USP10: variants seen among roughly 807,000 people sequenced by gnomAD.
USP10 encodes the protein ubiquitin carboxyl-terminal hydrolase 10.
In USP10, 22 loss-of-function variants were observed where a neutral mutation model predicts 84.5. That is an observed-to-expected ratio of 0.26 (90% CI 0.19 to 0.37). The LOEUF is 0.37. Ranked by LOEUF, USP10 falls within the 10% of genes least tolerant of loss-of-function variation. USP10 has a pLI of 1.00. For missense variants in USP10, 1,019 were observed against 998.9 expected (o/e 1.02, Z -0.27); for synonymous variants, 454 against 387.6 (o/e 1.17, Z -2.01).
At chr16:84,714,126 C>T (rs994994020) in intron 1 of USP10, among the ~76,000 whole-genome samples, 1 of 151,642 alleles carries the variant, frequency 6.6e-6, no homozygotes, top group Non-Finnish European at 1.5e-5. Flanking sequence ...AGCACAGAGG[C>T]GGAGGTAGAT....
At chr16:84,716,940 A>C (rs112087944) in intron 1 of USP10, among the ~76,000 whole-genome samples, 8 of 152,376 alleles carry the variant, frequency 5.3e-5, no homozygotes, top group African/African-American at 1.9e-4. Context: ...GTCCAGAGCC[A>C]TAGGGACAGT....
At position 84,760,254 on chromosome 16, in the gene USP10, C is replaced by G. The variant is rs769206686; in HGVS notation, c.1533C>G (p.Asn511Lys). 3 of 1,607,700 alleles carry G rather than the reference C, an allele frequency of 1.9e-6. No homozygotes were observed. The Admixed American group carries it at 5.1e-5, about 27-fold the overall frequency. Residue 511 changes from asparagine (N) to lysine (K), a missense_variant, in exon 8 of 14, where the codon AAC becomes AAG. By Grantham distance (94) the Asn-to-Lys change is moderately conservative (BLOSUM62 0). Transcript: ENST00000219473. ...ATATTTACAGACTCCTGACAGTTAACAAGTCAAGCCTGTCTGAAAAGGTTT... is the reference window on the plus strand; with the variant it reads ...ATATTTACAGACTCCTGACAGTTAAGAAGTCAAGCCTGTCTGAAAAGGTTT... ...PTYIYRLLTV[N>K]KSSLSEKGRQ...
chr16:84,759,260 TAGCTTCCTTGTGTTTTTATA>T, intron 5 of USP10, 83 bp from the exon 6 acceptor site: 1 of 1,088,096 alleles, frequency 9.2e-7, no homozygotes, highest in South Asian at 1.3e-5. Context: ...TCAACGTCCT[TAGCTTCCTTGTGTTTTTATA>T]AACATTCTTG....
chr16:84,734,399 T>G (rs1167508493), intron 2 of USP10, among the ~76,000 whole-genome samples: 1 of 152,256 alleles, frequency 6.6e-6, no homozygotes, highest in Non-Finnish European at 1.5e-5. Flanking sequence ...TTTCATTCTC[T>G]TCACGTCTGC....
At chr16:84,778,069 G>A (rs1012799817) in intron 13 of USP10, among the ~76,000 whole-genome samples, 18 of 116,236 alleles carry the variant, frequency 1.5e-4, no homozygotes, top group Non-Finnish European at 3.3e-4. Flanking sequence ...TTGGTTATAG[G>A]ATTTTTTTTT....
At chr16:84,759,283 C>G (rs1274754672) in intron 5 of USP10, 80 bp from the exon 6 acceptor site, 1 of 1,331,576 alleles carries the variant, frequency 7.5e-7, no homozygotes, top group Non-Finnish European at 1.1e-6. Flanking sequence ...TTTTTATAAA[C>G]ATTCTTGTGC....
chr16:84,712,569 A>G (rs963193693), intron 1 of USP10, among the ~76,000 whole-genome samples: 2 of 152,178 alleles, frequency 1.3e-5, no homozygotes, highest in Non-Finnish European at 2.9e-5. Flanking sequence ...GTGTTTCTAT[A>G]ATAGTTCTAG....
In USP10 at chr16:84,719,674, T is replaced by A. The variant is rs115861686; in HGVS notation, c.22-13761T>A. ...ATTGGGTGGAAAACATCTCTTCTAG[T>A]GTATGTAGGTCCCATAAGGGGGACT... On this transcript the variant is annotated intron_variant, in intron 1 of 13. Transcript: ENST00000219473. Among the ~76,000 whole-genome samples the A allele has an allele frequency of 5.2e-3, 787 of 152,346 alleles. 9 individuals are homozygous for A. Among genetic ancestry groups the A allele is most frequent in the African/African-American group, 0.018 (757 of 41,568 alleles).
intron 4 of USP10, among the ~76,000 whole-genome samples, chr16:84,751,838 A>G (rs773907712): frequency 1.3e-5 from 2 of 152,196 alleles, no homozygotes; most frequent in Non-Finnish European, 2.9e-5. Context: ...GGGATTTTCA[A>G]TGTTAATATG....
chr16:84,770,100 G>A (rs548023645), intron 11 of USP10, among the ~76,000 whole-genome samples: 3 of 152,210 alleles, frequency 2.0e-5, no homozygotes, highest in South Asian at 2.1e-4. Flanking sequence ...TAGTGAAACC[G>A]TGTCTCTAAA....
intron 4 of USP10, among the ~76,000 whole-genome samples, chr16:84,748,037 C>T (rs1366694815): frequency 6.6e-6 from 1 of 150,416 alleles, no homozygotes; most frequent in Non-Finnish European, 1.5e-5. Context: ...GCCTGTAGTC[C>T]CAGCTACTCA....
chr16:84,732,871 G>C (rs1410942855), intron 1 of USP10, among the ~76,000 whole-genome samples: 4 of 152,162 alleles, frequency 2.6e-5, no homozygotes, highest in Non-Finnish European at 5.9e-5. Context: ...CGTGAAATCA[G>C]GCTTGCAACA....
chr16:84,764,939 A>AAAAAATAT (rs370383030), intron 10 of USP10, among the ~76,000 whole-genome samples: 2,565 of 132,194 alleles, frequency 0.019, 37 homozygotes, highest in African/African-American at 0.031. Context: ...GAGAAAAAAA[A>AAAAAATAT]ATATATATAT....
intron 1 of USP10, chr16:84,716,159 A>G (rs1331690335): frequency 6.6e-6 from 1 of 152,242 alleles, no homozygotes; most frequent in Non-Finnish European, 1.5e-5. Flanking sequence ...ACTGTCCCAC[A>G]TGAGCGTAAT....
chr16:84,706,395 G>C (rs538290525), intron 1 of USP10, among the ~76,000 whole-genome samples: 1 of 151,748 alleles, frequency 6.6e-6, no homozygotes, highest in Non-Finnish European at 1.5e-5. Flanking sequence ...TGAGAGAAAA[G>C]TACAAAGAGT....
intron 11 of USP10, among the ~76,000 whole-genome samples, chr16:84,770,882 A>G (rs945638344): frequency 6.6e-6 from 1 of 152,044 alleles, no homozygotes; most frequent in African/African-American, 2.4e-5. Flanking sequence ...CCTGGCCAAC[A>G]TGTTGAAACC....
chr16:84,766,403 C>T lies in USP10; in HGVS notation c.1833-1790C>T, dbSNP rs114677057. Among the ~76,000 whole-genome samples, 1,244 of 152,368 alleles carry T rather than the reference C, an allele frequency of 8.2e-3. 9 individuals carry two copies. Among genetic ancestry groups the T allele is most frequent in the African/African-American group, 0.028 (1,185 of 41,588 alleles). On this transcript the variant is annotated intron_variant, in intron 10 of 13. Transcript: ENST00000219473. ...CCAGCCCTGACCACTGTCTGTGGTTCCTTGGGACACGTCGTGTTGGGAGGG... is the reference window on the plus strand; with the variant it reads ...CCAGCCCTGACCACTGTCTGTGGTTTCTTGGGACACGTCGTGTTGGGAGGG...
rs114012071 is a variant in USP10 at position 84,710,833 on chromosome 16, G to A, written c.21+10722G>A. 3.8e-3 allele frequency among the ~76,000 whole-genome samples: 585 copies of A among 152,270 alleles called. 6 individuals are homozygous for A. Among genetic ancestry groups the A allele is most frequent in the African/African-American group, 0.014 (565 of 41,570 alleles). ...ATCCCTGTGAGCAGGTCCCCAGGCC[G>A]TCTGAGCCAGGCTCAGGTTGCAGGT... On this transcript the variant is annotated intron_variant, in intron 1 of 13. Transcript: ENST00000219473.
chr16:84,718,688 G>A (rs915242178), intron 1 of USP10, among the ~76,000 whole-genome samples: 2 of 151,916 alleles, frequency 1.3e-5, no homozygotes, highest in South Asian at 4.2e-4. Context: ...CCCAGGAGTC[G>A]GAGGTTGCAG....
Sources: gnomAD v4.1 joint callset for allele counts (sites outside exome capture counted in the v4.1 genomes callset) on GRCh38, gnomAD v4.1.1 for gene constraint, MANE v1.5 for transcripts, NCBI Gene and HGNC (gene_info 2026-07-23, HGNC 2026-07-21) for gene names.